NBEA: variants seen among roughly 807,000 people sequenced by gnomAD.
NBEA encodes lysosomal-trafficking regulator 2.
NBEA carries 44 observed loss-of-function variants against 343.4 expected under a neutral mutation model. That is an observed-to-expected ratio of 0.13 (90% confidence interval 0.10 to 0.16). NBEA has a LOEUF of 0.16. Ranked by LOEUF, NBEA falls within the 10% of genes least tolerant of loss-of-function variation. The pLI, the probability that NBEA is intolerant of heterozygous loss-of-function variation, is 1.00. For missense variants in NBEA, 2,555 were observed against 3,631.3 expected (o/e 0.70, Z 7.62); for synonymous variants, 1,175 against 1,238.7 (o/e 0.95, Z 1.08).
chr13:35,604,465 A>C (rs1225069153), intron 47 of NBEA, among the ~76,000 whole-genome samples: 1 of 151,060 alleles, frequency 6.6e-6, no homozygotes, highest in Non-Finnish European at 1.5e-5. Flanking sequence ...AAAGTTCCAC[A>C]ATAGGGCCCC....
chr13:35,380,553 G>T (rs975893614), intron 38 of NBEA, among the ~76,000 whole-genome samples: 2 of 152,114 alleles, frequency 1.3e-5, no homozygotes, highest in Non-Finnish European at 2.9e-5. Context: ...TGAAGCTGCT[G>T]TAAAAAATAT....
At chr13:35,572,198 A>G (rs941278309) in intron 45 of NBEA, among the ~76,000 whole-genome samples, 5 of 152,324 alleles carry the variant, frequency 3.3e-5, no homozygotes, top group Admixed American at 6.5e-5. Context: ...GGTGAAATCT[A>G]TCTTACAACA....
At chr13:35,044,699 G>A (rs1291138386) in intron 2 of NBEA, among the ~76,000 whole-genome samples, 1 of 151,432 alleles carries the variant, frequency 6.6e-6, no homozygotes, top group African/African-American at 2.4e-5. Flanking sequence ...CTTAATTGCG[G>A]TGGTAATTTA....
chr13:35,429,937 T>G (rs1306203142), intron 38 of NBEA, among the ~76,000 whole-genome samples: 2 of 152,144 alleles, frequency 1.3e-5, no homozygotes, highest in East Asian at 3.9e-4. Context: ...TGTGCAAGTT[T>G]CTTTTTTGTA....
chr13:35,042,552 A>G (rs2062693696), intron 2 of NBEA, among the ~76,000 whole-genome samples: 1 of 151,836 alleles, frequency 6.6e-6, no homozygotes, highest in African/African-American at 2.4e-5. Flanking sequence ...ATAGTAGTTT[A>G]CTGGTACATA....
Position 35,118,260 on chromosome 13 carries a change from T to C in NBEA, c.2115T>C (p.Ser705=). 2 of 1,556,170 alleles carry C rather than the reference T, an allele frequency of 1.3e-6. No individual in the cohort carries two copies. Among genetic ancestry groups the C allele is most frequent in the Non-Finnish European group, 1.7e-6 (2 of 1,148,724 alleles). ...GGGTCAAGGAAGATGAACTTCAGAG[T>C]ATATTAAATTACCTACTTACGATGC... ...DRGVKEDELQ[S]ILNYLLTMHE... Residue 705 remains serine (S), a synonymous_variant, in exon 15 of 59, where the codon AGT becomes AGC. Transcript: ENST00000379939.
At chr13:35,472,232 A>G (rs1012999182) in intron 40 of NBEA, among the ~76,000 whole-genome samples, 168 bp from the exon 41 acceptor site, 1 of 152,224 alleles carries the variant, frequency 6.6e-6, no homozygotes, top group African/African-American at 2.4e-5. Context: ...AAGGTAATGT[A>G]TAAAAGCTAA....
intron 1 of NBEA, among the ~76,000 whole-genome samples, chr13:35,019,909 C>T (rs1466756961): frequency 6.6e-6 from 1 of 152,146 alleles, no homozygotes. Flanking sequence ...CCAGCCGCTC[C>T]AGCTGTCCCA....
intron 38 of NBEA, among the ~76,000 whole-genome samples, chr13:35,420,993 C>A (rs2044237194): frequency 6.6e-6 from 1 of 151,798 alleles, no homozygotes; most frequent in African/African-American, 2.4e-5. Flanking sequence ...TTTTCAGTTT[C>A]ACTGATTTTT....
At chr13:35,028,996 A>T (rs2062109363) in intron 1 of NBEA, among the ~76,000 whole-genome samples, 1 of 151,646 alleles carries the variant, frequency 6.6e-6, no homozygotes, top group African/African-American at 2.4e-5. Flanking sequence ...GGACTATATT[A>T]TTAAAAGTTA....
At chr13:35,471,812 G>T (rs1426178571) in intron 40 of NBEA, among the ~76,000 whole-genome samples, 3 of 152,160 alleles carry the variant, frequency 2.0e-5, no homozygotes, top group African/African-American at 7.2e-5. Context: ...TTCTACGTAA[G>T]AACTTTATGT....
At chr13:35,404,974 G>A (rs1412989737) in intron 38 of NBEA, among the ~76,000 whole-genome samples, 1 of 152,072 alleles carries the variant, frequency 6.6e-6, no homozygotes, top group Non-Finnish European at 1.5e-5. Flanking sequence ...AGTCAGAAGG[G>A]AGTAAAGATT....
intron 33 of NBEA, among the ~76,000 whole-genome samples, chr13:35,223,965 G>A (rs896993694): frequency 1.3e-5 from 2 of 152,174 alleles, no homozygotes; most frequent in African/African-American, 4.8e-5. Flanking sequence ...CTGTATGGCT[G>A]TAGAACACAT....
At chr13:35,168,560 T>C (rs2070218057) in intron 24 of NBEA, among the ~76,000 whole-genome samples, 1 of 151,488 alleles carries the variant, frequency 6.6e-6, no homozygotes, top group South Asian at 2.1e-4. Flanking sequence ...ATTCTAGAGG[T>C]TGGTATAAAT....
chr13:35,436,897 T>C (rs1467866315), intron 39 of NBEA, among the ~76,000 whole-genome samples: 1 of 152,136 alleles, frequency 6.6e-6, no homozygotes, highest in Non-Finnish European at 1.5e-5. Context: ...GTTATCAAAG[T>C]TTTCAGAATT....
At chr13:35,369,067 T>G (rs73494543) in intron 38 of NBEA, among the ~76,000 whole-genome samples, 7,110 of 151,742 alleles carry the variant, frequency 0.047, 205 homozygotes, top group Non-Finnish European at 0.053. Flanking sequence ...CATTTAGGCC[T>G]TTAATACATC....
At chr13:35,576,448 G>T (rs960892241) in intron 45 of NBEA, among the ~76,000 whole-genome samples, 1 of 151,882 alleles carries the variant, frequency 6.6e-6, no homozygotes, top group Non-Finnish European at 1.5e-5. Context: ...GAAATATTTG[G>T]TCAATAACAC....
At chr13:35,229,559 A>C (rs1281506469) in intron 33 of NBEA, among the ~76,000 whole-genome samples, 1 of 152,128 alleles carries the variant, frequency 6.6e-6, no homozygotes, top group African/African-American at 2.4e-5. Context: ...CTTTTCTCAC[A>C]TTAACATAGC....
At chr13:35,350,221 A>C (rs118190881) in intron 37 of NBEA, among the ~76,000 whole-genome samples, 3,918 of 152,240 alleles carry the variant, frequency 0.026, 67 homozygotes, top group Non-Finnish European at 0.038. Flanking sequence ...TCATGTGAAA[A>C]CATTTAAAAT....
Sources: allele counts gnomAD v4.1 joint callset (sites outside exome capture counted in the v4.1 genomes callset), GRCh38; gene constraint gnomAD v4.1.1; transcripts MANE v1.5; gene names NCBI Gene and HGNC (gene_info 2026-07-23, HGNC 2026-07-21).